Variants in GLB1 observed in about 807,000 individuals in gnomAD.
GLB1 encodes beta-galactosidase.
In GLB1, 56 loss-of-function variants were observed where a neutral mutation model predicts 74.0. That is an observed-to-expected ratio of 0.76 (90% CI 0.61 to 0.94). The LOEUF (loss-of-function observed/expected upper bound fraction) is 0.94, where lower values mean the gene tolerates loss of function less well. GLB1 is among the 40% of genes least tolerant of loss of function. The probability of loss-of-function intolerance (pLI) is 0.00; values close to 1 mark genes in which losing one functional copy is unlikely to be tolerated. For synonymous variants in GLB1, 323 were observed against 323.6 expected (o/e 1.00, Z 0.02); for missense variants, 787 against 845.5 (o/e 0.93, Z 0.86).
downstream of GLB1, among the ~76,000 whole-genome samples, chr3:32,993,475 C>T (rs1696259320): frequency 6.6e-6 from 1 of 151,286 alleles, no homozygotes; most frequent in Non-Finnish European, 1.5e-5. Context: ...CCTACCTCAG[C>T]CTCTTGAGTA....
intron 5 of GLB1, among the ~76,000 whole-genome samples, chr3:33,062,316 T>C (rs1033496586): frequency 9.2e-5 from 14 of 151,974 alleles, no homozygotes; most frequent in African/African-American, 3.1e-4. Flanking sequence ...CACGGGTGCA[T>C]GGCAGCATAC....
At chr3:32,979,233 C>G in the GLB1 span, among the ~76,000 whole-genome samples, 2 of 152,124 alleles carry the variant, frequency 1.3e-5, no homozygotes, top group South Asian at 4.1e-4. Flanking sequence ...GCTCCGGTCT[C>G]CCAAAGTGCT....
chr3:33,018,588 T>C, intron 12 of GLB1, 27 bp from the exon 13 acceptor site: 1 of 1,610,616 alleles, frequency 6.2e-7, no homozygotes, highest in Non-Finnish European at 8.5e-7. Context: ...TTAAGAAAAA[T>C]ACATCACTAT....
At chr3:33,043,844 G>GAAAAAAAAAAA (rs376478014) in intron 10 of GLB1, among the ~76,000 whole-genome samples, 5 of 104,990 alleles carry the variant, frequency 4.8e-5, no homozygotes, top group African/African-American at 1.9e-4. Context: ...ACCAAAAAAA[G>GAAAAAAAAAAA]AAAAAAAAAA....
At chr3:33,063,698 CAGA>C (rs1290719994) in intron 5 of GLB1, among the ~76,000 whole-genome samples, 1 of 152,066 alleles carries the variant, frequency 6.6e-6, no homozygotes, top group Non-Finnish European at 1.5e-5. Flanking sequence ...CACCTGAGGC[CAGA>C]AGAAAGGAAG....
intron 10 of GLB1, among the ~76,000 whole-genome samples, chr3:33,043,204 G>A (rs11713054): frequency 0.6 from 90,818 of 151,776 alleles, 28,313 homozygotes; most frequent in Admixed American, 0.73. Flanking sequence ...GTATATTGTA[G>A]GAACTTGCTG....
rs1032463214 is a variant in GLB1 at position 33,031,146 on chromosome 3, T to C, written c.1069-6821A>G. On this transcript the variant is annotated intron_variant, in intron 10 of 15. Coordinates refer to ENST00000307363, the MANE Select transcript of GLB1 (RefSeq NM_000404.4). ...CCCAGGAGTCCATGTCAGTGAAATATATTGCCCATCACCACCTAATGTGTT... is the reference window on the plus strand; with the variant it reads ...CCCAGGAGTCCATGTCAGTGAAATACATTGCCCATCACCACCTAATGTGTT... Among the ~76,000 whole-genome samples, 16 of 152,194 alleles carry C rather than the reference T, an allele frequency of 1.1e-4. 1 individual carries two copies. The highest frequency in any genetic ancestry group is 1.0e-3 in the Admixed American group (16 of 15,286).
intron 10 of GLB1, chr3:33,024,557 G>T: frequency 2.0e-6 from 1 of 497,674 alleles, no homozygotes; most frequent in South Asian, 2.5e-5. Context: ...ATTATAAACC[G>T]AAAGACCTCA....
At chr3:33,025,237 G>T (rs773405170) in intron 10 of GLB1, among the ~76,000 whole-genome samples, 1 of 152,154 alleles carries the variant, frequency 6.6e-6, no homozygotes, top group African/African-American at 2.4e-5. Flanking sequence ...GAGCCAGCGC[G>T]CCTGGCCACA....
chr3:32,965,578 A>C, the GLB1 span, among the ~76,000 whole-genome samples: 1 of 149,876 alleles, frequency 6.7e-6, no homozygotes. Flanking sequence ...AATAGAAAAG[A>C]AAAAAAAAAC....
chr3:33,092,596 G>A, intron 1 of GLB1: 1 of 1,323,768 alleles, frequency 7.6e-7, no homozygotes. Context: ...TAATATATGT[G>A]ACCTTAGTGA....
Position 33,053,553 on chromosome 3 carries a change from A to C in GLB1, c.734-4T>G. 1.2e-6 allele frequency: 2 copies of C among 1,614,170 alleles called. No individual in the cohort carries two copies. Among genetic ancestry groups the C allele is most frequent in the Non-Finnish European group, 1.7e-6 (2 of 1,180,020 alleles). On this transcript the variant is annotated splice_region_variant and splice_polypyrimidine_tract_variant and intron_variant, in intron 6 of 15. Coordinates refer to ENST00000307363, the MANE Select transcript of GLB1 (RefSeq NM_000404.4). Reference sequence around the variant, plus strand: ...AAAGCATCTGTGATGTTGCTGCCTGAAAATTGTAAGAGGGAGAAGGTAGGT... The same window carrying C: ...AAAGCATCTGTGATGTTGCTGCCTGCAAATTGTAAGAGGGAGAAGGTAGGT...
At chr3:33,074,599 G>A (rs1160186196) in intron 1 of GLB1, among the ~76,000 whole-genome samples, 2 of 152,080 alleles carry the variant, frequency 1.3e-5, no homozygotes, top group Non-Finnish European at 2.9e-5. Context: ...AGACCTCAAC[G>A]GGTGGTGGGG....
rs1696347591 is a variant in GLB1 at position 32,997,269 on chromosome 3, G to A, written c.1810C>T (p.Pro604Ser). ...GCCGAGGTCATCAGGATGTGCTGGGGCACAAACAAGGTCAACTGAGGGCCC... is the reference window on the plus strand; with the variant it reads ...GCCGAGGTCATCAGGATGTGCTGGGACACAAACAAGGTCAACTGAGGGCCC... ...ARGPQLTLFV[P>S]QHILMTSAPN... Residue 604 changes from proline to serine, a missense_variant, in exon 16 of 16, where the codon CCC (proline) becomes TCC (serine). Transcript: ENST00000307363. 1.9e-6 allele frequency: 3 copies of A among 1,614,060 alleles called. No homozygotes were observed. Among genetic ancestry groups the A allele is most frequent in the Non-Finnish European group, 2.5e-6 (3 of 1,180,048 alleles).
intron 12 of GLB1, among the ~76,000 whole-genome samples, chr3:33,019,229 C>G (rs9866187): frequency 0.013 from 1,952 of 152,248 alleles, 47 homozygotes; most frequent in African/African-American, 0.045. Flanking sequence ...TAGATTGTAA[C>G]CAACCACTAA....
intron 10 of GLB1, chr3:33,034,798 T>A (rs1355468225): frequency 3.2e-6 from 2 of 619,540 alleles, no homozygotes; most frequent in Admixed American, 1.8e-5. Context: ...AGGGCCAGCA[T>A]AACAAGCAGT....
chr3:33,083,566 C>T (rs1442301189), intron 1 of GLB1, among the ~76,000 whole-genome samples: 1 of 152,138 alleles, frequency 6.6e-6, no homozygotes, highest in Admixed American at 6.5e-5. Context: ...GAATGCAATA[C>T]TGAAGAGACA....
At chr3:33,075,577 A>G (rs9817393) in intron 1 of GLB1, among the ~76,000 whole-genome samples, 19,715 of 152,114 alleles carry the variant, frequency 0.13, 1,539 homozygotes, top group East Asian at 0.37. Context: ...CATCTAGCCT[A>G]GAAGAAACCC....
intron 9 of GLB1, among the ~76,000 whole-genome samples, chr3:33,050,172 T>C (rs1213968301): frequency 6.6e-6 from 1 of 152,222 alleles, no homozygotes; most frequent in Non-Finnish European, 1.5e-5. Context: ...AATTTTGTCA[T>C]AATTTTTCCT....
Sources: allele counts gnomAD v4.1 joint callset (sites outside exome capture counted in the v4.1 genomes callset), GRCh38; gene constraint gnomAD v4.1.1; transcripts MANE v1.5; gene names NCBI Gene and HGNC (gene_info 2026-07-23, HGNC 2026-07-21).